Variants in PDE1C observed in about 807,000 individuals in gnomAD.
PDE1C encodes phosphodiesterase 1C.
PDE1C carries 62 observed loss-of-function variants against 93.1 expected under a neutral mutation model. The ratio of observed to expected loss-of-function variants is 0.67; its 90% confidence interval spans 0.54 to 0.82. PDE1C has a LOEUF of 0.82. Ranked by LOEUF, PDE1C falls within the 40% of genes least tolerant of loss-of-function variation. The pLI, the probability that PDE1C is intolerant of heterozygous loss-of-function variation, is 0.00. For missense variants in PDE1C, 742 were observed against 884.6 expected, an observed-to-expected ratio of 0.84 and a Z score of 2.04; for synonymous variants, 325 against 310.1, an observed-to-expected ratio of 1.05 and a Z score of -0.50.
Position 31,794,042 on chromosome 7 carries a change from A to AGATAGACG in PDE1C, c.1891+14988_1891+14989insCGTCTATC, listed in dbSNP as rs1157143757. Among the ~76,000 whole-genome samples, 259 of 84,576 alleles carry AGATAGACG rather than the reference A, an allele frequency of 3.1e-3. 2 individuals are homozygous for AGATAGACG. Among genetic ancestry groups the AGATAGACG allele is most frequent in the East Asian group, 0.015 (38 of 2,468 alleles). 55.5% of individuals were successfully genotyped at this position (84,576 alleles called of 152,430 possible). A position where few individuals can be genotyped will look rare whatever the true frequency, so the allele number is the denominator to read the frequency against. On this transcript the variant is annotated intron_variant, in intron 16 of 17. Coordinates refer to ENST00000396191, the MANE Select transcript of PDE1C (RefSeq NM_001191057.4). ...TAGATAGATAGATAGATAGATAGAT[A>AGATAGACG]GACAGACAGACAGACAGACAGACAG...
Position 32,365,158 on chromosome 7 carries a change from C to T in PDE1C, c.310+62664G>A, listed in dbSNP as rs552023120. Among the ~76,000 whole-genome samples the T allele has an allele frequency of 1.1e-4, 16 of 152,298 alleles. No individual in the cohort carries two copies. The East Asian group carries it at 3.1e-3, about 29-fold the overall frequency. ...GGACCTGCAATCAGGGCTTGAGGAA[C>T]AGCTCCATGGGCTGCCCTTGTGCTC... On this transcript the variant is annotated intron_variant, in intron 1 of 1. Transcript: ENST00000672256.
chr7:32,025,629 G>T (rs1789312322), intron 2 of PDE1C, among the ~76,000 whole-genome samples: 1 of 152,106 alleles, frequency 6.6e-6, no homozygotes, highest in Admixed American at 6.6e-5. Flanking sequence ...CATCATAAAT[G>T]AGACGAAGAG....
At chr7:32,170,049 C>T in intron 2 of PDE1C, 1 of 1,121,974 alleles carries the variant, frequency 8.9e-7, no homozygotes. Context: ...CAAAGCAGAG[C>T]AGGGAAATTT....
At chr7:32,071,810 A>C (rs1172467614), upstream of PDE1C, among the ~76,000 whole-genome samples, 1 of 152,180 alleles carries the variant, frequency 6.6e-6, no homozygotes, top group East Asian at 1.9e-4. Context: ...TCCATGCCCA[A>C]GATGATTGCA....
At chr7:31,658,281 G>A in the PDE1C span, 16 of 1,501,548 alleles carry the variant, frequency 1.1e-5, no homozygotes, top group Non-Finnish European at 1.2e-5. Flanking sequence ...GTGAATTATT[G>A]TCTGCAGAGC....
At chr7:32,017,544 C>T (rs1788071616) in intron 2 of PDE1C, among the ~76,000 whole-genome samples, 1 of 152,026 alleles carries the variant, frequency 6.6e-6, no homozygotes. Context: ...ATGATACCAT[C>T]AAGAAAGTAA....
chr7:32,300,090 C>A (rs1488788837), upstream of PDE1C, among the ~76,000 whole-genome samples: 1 of 151,802 alleles, frequency 6.6e-6, no homozygotes, highest in Non-Finnish European at 1.5e-5. Flanking sequence ...AGATTAGAAA[C>A]CTTGTCCCAA....
At chr7:32,241,705 G>T (rs1263361822) in intron 1 of PDE1C, among the ~76,000 whole-genome samples, 1 of 152,130 alleles carries the variant, frequency 6.6e-6, no homozygotes, top group Non-Finnish European at 1.5e-5. Flanking sequence ...AGTGGAAAAT[G>T]AATAATCAGT....
intron 2 of PDE1C, among the ~76,000 whole-genome samples, chr7:32,019,898 A>G (rs1238622359): frequency 6.6e-6 from 1 of 152,144 alleles, no homozygotes; most frequent in Non-Finnish European, 1.5e-5. Flanking sequence ...TGAAGTGTCT[A>G]TGAAACTTCT....
At position 31,861,674 on chromosome 7, in the gene PDE1C, T is replaced by C. The variant is rs188172536; in HGVS notation, c.750+3268A>G. ...TTCACCACAGCAGTCCTTTGAACTCTGTCTCAGAAACAGCACTTTCTTCTC... is the reference window on the plus strand; with the variant it reads ...TTCACCACAGCAGTCCTTTGAACTCCGTCTCAGAAACAGCACTTTCTTCTC... On this transcript the variant is annotated intron_variant, in intron 7 of 17. Coordinates refer to ENST00000396191, the MANE Select transcript of PDE1C (RefSeq NM_001191057.4). 4.6e-5 allele frequency among the ~76,000 whole-genome samples: 7 copies of C among 152,300 alleles called. No individual in the cohort carries two copies. The East Asian group carries it at 1.4e-3, about 29-fold the overall frequency.
At chr7:31,770,535 G>A (rs980059823) in intron 17 of PDE1C, among the ~76,000 whole-genome samples, 3 of 151,610 alleles carry the variant, frequency 2.0e-5, no homozygotes, top group Admixed American at 6.6e-5. Flanking sequence ...TTTCTGAGAC[G>A]GAGTCTCGCT....
At chr7:31,738,566 G>T in the PDE1C span, among the ~76,000 whole-genome samples, 1 of 152,180 alleles carries the variant, frequency 6.6e-6, no homozygotes, top group Non-Finnish European at 1.5e-5. Flanking sequence ...ACACTGCCAA[G>T]CCATATCACA....
chr7:32,398,560 T>C (rs1016414931), intron 1 of PDE1C, among the ~76,000 whole-genome samples: 9 of 151,724 alleles, frequency 5.9e-5, no homozygotes, highest in Non-Finnish European at 4.4e-5. Flanking sequence ...AGCTGATATT[T>C]GTATTTTTAG....
At chr7:31,829,945 T>C (rs1790167784) in intron 11 of PDE1C, among the ~76,000 whole-genome samples, 1 of 152,190 alleles carries the variant, frequency 6.6e-6, no homozygotes, top group Non-Finnish European at 1.5e-5. Context: ...CAAATTGTTC[T>C]GTCAGTACAT....
the PDE1C span, chr7:31,642,682 A>G: frequency 6.2e-7 from 1 of 1,612,890 alleles, no homozygotes; most frequent in South Asian, 1.1e-5. Context: ...TCCCCTACAG[A>G]TGCCTTCCTT....
intron 2 of PDE1C, among the ~76,000 whole-genome samples, chr7:31,893,196 G>A (rs1055959004): frequency 6.6e-6 from 1 of 152,184 alleles, no homozygotes; most frequent in African/African-American, 2.4e-5. Flanking sequence ...CGGAGACGGT[G>A]TTTTGTTGTA....
intron 2 of PDE1C, among the ~76,000 whole-genome samples, chr7:31,964,069 G>A (rs1584222509): frequency 6.6e-6 from 1 of 152,226 alleles, no homozygotes; most frequent in African/African-American, 2.4e-5. Context: ...TTCCAACTGA[G>A]GTAGCGGGTT....
At chr7:32,399,919 C>T (rs1038989533) in intron 1 of PDE1C, among the ~76,000 whole-genome samples, 7 of 152,118 alleles carry the variant, frequency 4.6e-5, no homozygotes, top group Admixed American at 6.5e-5. Context: ...CCTAAAGACC[C>T]TATCTCCAGA....
chr7:32,297,635 C>G (rs1271912295), intron 1 of PDE1C, among the ~76,000 whole-genome samples: 1 of 152,142 alleles, frequency 6.6e-6, no homozygotes, highest in Non-Finnish European at 1.5e-5. Context: ...GAGGGTCAAC[C>G]CTGTGGTCCT....
Sources: allele counts gnomAD v4.1 joint callset (sites outside exome capture counted in the v4.1 genomes callset), GRCh38; gene constraint gnomAD v4.1.1; transcripts MANE v1.5; gene names NCBI Gene and HGNC (gene_info 2026-07-23, HGNC 2026-07-21).